Variants in CNTNAP2 observed in about 807,000 individuals in gnomAD.
CNTNAP2 encodes the protein contactin-associated protein-like 2.
A neutral mutation model predicts 155.2 loss-of-function variants in CNTNAP2; 98 were observed. That is an observed-to-expected ratio of 0.63 (90% CI 0.54 to 0.75). The LOEUF (loss-of-function observed/expected upper bound fraction) is 0.75, where lower values mean the gene tolerates loss of function less well. CNTNAP2 is among the 30% of genes least tolerant of loss of function. The pLI is 0.00. For synonymous variants in CNTNAP2, 651 were observed against 631.2 expected, an observed-to-expected ratio of 1.03 and a Z score of -0.47; for missense variants, 1,727 against 1,688.1, an observed-to-expected ratio of 1.02 and a Z score of -0.40.
intron 1 of CNTNAP2, among the ~76,000 whole-genome samples, chr7:146,136,506 C>T (rs1045287053): frequency 6.6e-6 from 1 of 152,088 alleles, no homozygotes; most frequent in African/African-American, 2.4e-5. Flanking sequence ...TAGAGCACAC[C>T]TGCTCTAAGT....
At chr7:147,208,180 G>C (rs1336579025) in intron 8 of CNTNAP2, among the ~76,000 whole-genome samples, 1 of 152,004 alleles carries the variant, frequency 6.6e-6, no homozygotes, top group Non-Finnish European at 1.5e-5. Flanking sequence ...GGCACACTCT[G>C]GGGGGTCTGC....
At chr7:147,894,961 C>CT (rs1350773023) in intron 13 of CNTNAP2, among the ~76,000 whole-genome samples, 2 of 35,658 alleles carry the variant, frequency 5.6e-5, no homozygotes, top group Admixed American at 3.7e-4. Flanking sequence ...TTCTTTCTTT[C>CT]TTTCTTTTTT....
At chr7:146,578,632 C>A (rs1045974046) in intron 1 of CNTNAP2, among the ~76,000 whole-genome samples, 1 of 152,044 alleles carries the variant, frequency 6.6e-6, no homozygotes, top group Non-Finnish European at 1.5e-5. Flanking sequence ...TTTCTATGTG[C>A]TGTCTTTTAT....
chr7:147,651,517 T>C (rs887263451), intron 13 of CNTNAP2, among the ~76,000 whole-genome samples: 3 of 152,184 alleles, frequency 2.0e-5, no homozygotes, highest in African/African-American at 7.2e-5. Flanking sequence ...ATTTCTAGAA[T>C]AGCAATGATT....
rs10562874 is a variant in CNTNAP2, at chr7:147,494,468, C to CAA, written c.1777+8444_1777+8445dup. Reference sequence around the variant, plus strand: ...ATATGTCTTTCTCTTTGAGTCTTGGCAAAAAAAAAAAAAAAAAAGTTGATC... The same window carrying CAA: ...ATATGTCTTTCTCTTTGAGTCTTGGCAAAAAAAAAAAAAAAAAAAAGTTGATC... On this transcript the variant is annotated intron_variant, in intron 11 of 23. Transcript: ENST00000361727. Among the ~76,000 whole-genome samples the CAA allele has an allele frequency of 2.1e-3, 239 of 116,382 alleles. 6 individuals carry two copies. The highest frequency in any genetic ancestry group is 7.6e-3 in the African/African-American group (225 of 29,616). The allele number at this position is 116,382 out of a possible 152,430, so 76.4% of individuals were successfully genotyped here. A position where few individuals can be genotyped will look rare whatever the true frequency, so the allele number is the denominator to read the frequency against.
intron 1 of CNTNAP2, among the ~76,000 whole-genome samples, chr7:146,146,024 A>G (rs1013165941): frequency 6.6e-6 from 1 of 152,204 alleles, no homozygotes; most frequent in Non-Finnish European, 1.5e-5. Context: ...TAACCTTTAA[A>G]TGATATATTT....
chr7:147,440,621 C>G (rs1797621261), intron 10 of CNTNAP2, among the ~76,000 whole-genome samples: 1 of 152,088 alleles, frequency 6.6e-6, no homozygotes, highest in African/African-American at 2.4e-5. Context: ...TGAAGAACTC[C>G]CTTTAGCATT....
intron 8 of CNTNAP2, among the ~76,000 whole-genome samples, chr7:147,159,793 T>A (rs1174570245): frequency 6.6e-6 from 1 of 152,136 alleles, no homozygotes; most frequent in African/African-American, 2.4e-5. Flanking sequence ...TGGTCACGCC[T>A]ACCAACTCAC....
At chr7:147,927,629 T>G (rs944595189) in intron 14 of CNTNAP2, among the ~76,000 whole-genome samples, 1 of 152,240 alleles carries the variant, frequency 6.6e-6, no homozygotes, top group Admixed American at 6.5e-5. Flanking sequence ...CCTTGAGACA[T>G]ATGCAATATC....
chr7:146,575,196 A>C (rs1798505288), intron 1 of CNTNAP2, among the ~76,000 whole-genome samples: 1 of 152,094 alleles, frequency 6.6e-6, no homozygotes, highest in Non-Finnish European at 1.5e-5. Flanking sequence ...AGCTCACTGC[A>C]ACCTCTGCCT....
intron 8 of CNTNAP2, among the ~76,000 whole-genome samples, chr7:147,194,337 G>A (rs1802740952): frequency 6.6e-6 from 1 of 152,108 alleles, no homozygotes; most frequent in Non-Finnish European, 1.5e-5. Flanking sequence ...ATCATTGATG[G>A]GCATTTGGGT....
chr7:146,780,950 C>T (rs1585087440), intron 2 of CNTNAP2, among the ~76,000 whole-genome samples: 1 of 151,948 alleles, frequency 6.6e-6, no homozygotes. Flanking sequence ...ATGACAGGGC[C>T]GGGCGCGGTG....
chr7:146,253,574 G>A (rs1181000230), intron 1 of CNTNAP2, among the ~76,000 whole-genome samples: 1 of 152,094 alleles, frequency 6.6e-6, no homozygotes, highest in Admixed American at 6.6e-5. Context: ...AAGTAATCAA[G>A]TGACTTGAAT....
intron 14 of CNTNAP2, among the ~76,000 whole-genome samples, chr7:147,908,635 C>G (rs1342857283): frequency 6.6e-6 from 1 of 152,138 alleles, no homozygotes; most frequent in African/African-American, 2.4e-5. Context: ...TTTTTTGTTT[C>G]TCCAAACACA....
intron 1 of CNTNAP2, among the ~76,000 whole-genome samples, chr7:146,497,322 T>C (rs1460587006): frequency 1.3e-5 from 2 of 150,368 alleles, no homozygotes. Context: ...ATTGTTTATC[T>C]ATCTATATCT....
chr7:147,982,928 G>T (rs762166262), intron 15 of CNTNAP2, among the ~76,000 whole-genome samples: 26 of 145,150 alleles, frequency 1.8e-4, no homozygotes, highest in Admixed American at 2.9e-4. Flanking sequence ...TGAGGCAGGA[G>T]AATCATTTGA....
chr7:147,597,117 A>G (rs1227782482), intron 12 of CNTNAP2, among the ~76,000 whole-genome samples: 1 of 152,210 alleles, frequency 6.6e-6, no homozygotes, highest in East Asian at 1.9e-4. Flanking sequence ...TGCTCTCCCT[A>G]TGGAGTAGCC....
rs111465226 is a variant in CNTNAP2, at chr7:148,236,691, G to GA, written c.3381+6920dup. On this transcript the variant is annotated intron_variant, in intron 20 of 23. Coordinates refer to ENST00000361727, the MANE Select transcript of CNTNAP2 (RefSeq NM_014141.6). ...TACCTGAGACTGAGTAATTCATAAA[G>GA]AAAAAAAAGGTTTAGTTGGCTCACA... Among the ~76,000 whole-genome samples the GA allele has an allele frequency of 4.2e-3, 640 of 152,022 alleles. 3 individuals carry two copies. Among genetic ancestry groups the GA allele is most frequent in the African/African-American group, 0.015 (609 of 41,464 alleles).
intron 13 of CNTNAP2, among the ~76,000 whole-genome samples, chr7:147,664,860 G>T (rs1795669762): frequency 6.6e-6 from 1 of 152,140 alleles, no homozygotes; most frequent in Non-Finnish European, 1.5e-5. Context: ...TAAACCCACT[G>T]CTCTTAATCA....
Sources: gnomAD v4.1 joint callset for allele counts (sites outside exome capture counted in the v4.1 genomes callset) on GRCh38, gnomAD v4.1.1 for gene constraint, MANE v1.5 for transcripts, NCBI Gene and HGNC (gene_info 2026-07-23, HGNC 2026-07-21) for gene names.